Variants in ICA1 observed in about 807,000 individuals in gnomAD.
ICA1 encodes the protein islet cell autoantigen 1.
A neutral mutation model predicts 71.0 loss-of-function variants in ICA1; 40 were observed. The ratio of observed to expected loss-of-function variants is 0.56; its 90% CI spans 0.44 to 0.73. The LOEUF is 0.73. ICA1 is among the 30% of genes least tolerant of loss of function. The pLI is 0.00. For missense variants in ICA1, 578 were observed against 576.5 expected, an observed-to-expected ratio of 1.00 and a Z score of -0.03; for synonymous variants, 207 against 209.5, an observed-to-expected ratio of 0.99 and a Z score of 0.10.
chr7:8,152,910 A>G (rs1800047679), intron 8 of ICA1, among the ~76,000 whole-genome samples: 1 of 149,516 alleles, frequency 6.7e-6, no homozygotes, highest in Non-Finnish European at 1.5e-5. Context: ...TATCTCCTTC[A>G]TCACCACTAC....
rs1787897173 is a variant in ICA1, at chr7:8,123,656, C to G, written c.1330+4217G>C. 6.6e-6 allele frequency among the ~76,000 whole-genome samples: 1 copy of G among 152,234 alleles called. No homozygotes were observed. Among genetic ancestry groups the G allele is most frequent in the Non-Finnish European group, 1.5e-5 (1 of 68,042 alleles). ...GTGGACTTAGCCTCTGTCTCCCACA[C>G]CCATTCCTCCTTTATGGCTCCCTAA... is the stretch of plus-strand genomic sequence containing the variant. On this transcript the variant is annotated intron_variant, in intron 13 of 13. Transcript: ENST00000402384. The surrounding 1 kb of genome is among the most constrained non-coding windows in gnomAD (Gnocchi z 4.1).
rs1799744041 is a variant in ICA1, at chr7:8,229,925, G to T, written c.184-1252C>A. On this transcript the variant is annotated intron_variant, in intron 3 of 13. Transcript: ENST00000402384. ...CACATAGTATTTCCTGAATATAGGA[G>T]CAAGGACGTTCAAAAAGTATGTTTA... Among the ~76,000 whole-genome samples, 3 of 152,282 alleles carry T rather than the reference G, an allele frequency of 2.0e-5. No individual in the cohort carries two copies. In the South Asian group the frequency reaches 6.2e-4, roughly 32 times the overall value.
chr7:8,139,364 C>A (rs533991349), intron 10 of ICA1, among the ~76,000 whole-genome samples: 1 of 152,278 alleles, frequency 6.6e-6, no homozygotes, highest in South Asian at 2.1e-4. Context: ...TGAACTTTAG[C>A]CATATGGGCC....
chr7:8,217,106 A>G (rs1004395194), intron 6 of ICA1, among the ~76,000 whole-genome samples: 1 of 152,258 alleles, frequency 6.6e-6, no homozygotes, highest in African/African-American at 2.4e-5. Flanking sequence ...TTTCTCTTCT[A>G]TAAGATGAGC....
At position 8,219,463 on chromosome 7, in the gene ICA1, T is replaced by C. The variant is rs140069499; in HGVS notation, c.381-960A>G. ...CAACGTCTGCAATGCCTTACGTGCG[T>C]GTAGCACGGTAAGATTACAAATGGT... is the stretch of plus-strand genomic sequence containing the variant. On this transcript the variant is annotated intron_variant, in intron 5 of 13. Coordinates refer to ENST00000402384, the MANE Select transcript of ICA1 (RefSeq NM_001136020.3). Among the ~76,000 whole-genome samples, 1,016 of 152,366 alleles carry C rather than the reference T, an allele frequency of 6.7e-3. 15 individuals are homozygous for C. The highest frequency in any genetic ancestry group is 0.023 in the African/African-American group (941 of 41,580).
chr7:8,174,938 G>A (rs1001106098), intron 6 of ICA1, among the ~76,000 whole-genome samples: 2 of 152,052 alleles, frequency 1.3e-5, no homozygotes, highest in African/African-American at 4.8e-5. Flanking sequence ...TTTAAACCAA[G>A]GCCAGGGAGA....
chr7:8,223,429 T>C lies in ICA1; in HGVS notation c.257-2031A>G, dbSNP rs1716449157. ...TCATTTTAGGCACTTGTGGATCAAC[T>C]TGGGGCAGCAAACAGGTTTCATTTT... On this transcript the variant is annotated intron_variant, in intron 4 of 13. Coordinates refer to ENST00000402384, the MANE Select transcript of ICA1 (RefSeq NM_001136020.3). The surrounding 1 kb of genome is among the most constrained non-coding windows in gnomAD (Gnocchi z 4.1). 6.5e-6 allele frequency: 1 copy of C among 154,556 alleles called. No homozygotes were observed. The highest frequency in any genetic ancestry group is 2.4e-5 in the African/African-American group (1 of 41,512). 9.6% of individuals were successfully genotyped at this position (154,556 alleles called of 1,614,324 possible). A position where few individuals can be genotyped will look rare whatever the true frequency, so the allele number is the denominator to read the frequency against.
At chr7:8,195,665 C>T (rs992590457) in intron 6 of ICA1, among the ~76,000 whole-genome samples, 1 of 152,128 alleles carries the variant, frequency 6.6e-6, no homozygotes, top group Non-Finnish European at 1.5e-5. Flanking sequence ...AGCAACAGTG[C>T]TCCTTGGTGT....
At chr7:8,162,609 A>G (rs1023430616) in intron 6 of ICA1, among the ~76,000 whole-genome samples, 2 of 152,288 alleles carry the variant, frequency 1.3e-5, no homozygotes, top group South Asian at 2.1e-4. Context: ...TCAACCCTAG[A>G]TAAGTTATAT....
At chr7:8,148,316 C>T (rs754693836) in intron 8 of ICA1, among the ~76,000 whole-genome samples, 9 of 152,138 alleles carry the variant, frequency 5.9e-5, no homozygotes, top group South Asian at 2.1e-4. Context: ...GCTTCACCAA[C>T]GCTTATTCCT....
chr7:8,179,556 G>GT (rs35851953), intron 6 of ICA1, among the ~76,000 whole-genome samples: 3 of 152,174 alleles, frequency 2.0e-5, no homozygotes, highest in Non-Finnish European at 4.4e-5. Context: ...CTATCGAACG[G>GT]TTTTGCGGTG....
At chr7:8,124,115 T>A (rs1427450472) in intron 13 of ICA1, among the ~76,000 whole-genome samples, 3 of 131,060 alleles carry the variant, frequency 2.3e-5, no homozygotes, top group African/African-American at 1.0e-4. Flanking sequence ...CATACAATTT[T>A]TTTTTTTTTT....
chr7:8,121,394 C>T (rs540843580), intron 13 of ICA1, among the ~76,000 whole-genome samples: 2 of 152,278 alleles, frequency 1.3e-5, no homozygotes, highest in African/African-American at 4.8e-5. Flanking sequence ...GTTCCCATGA[C>T]AACCTAGAGC....
rs544100182 is a variant in ICA1 at position 8,204,716 on chromosome 7, T to C, written c.579+13589A>G. Among the ~76,000 whole-genome samples the C allele has an allele frequency of 3.3e-4, 51 of 152,374 alleles. No homozygotes were observed. In the South Asian group the frequency reaches 9.9e-3, roughly 30 times the overall value. ...CAAAAAATGAGCAGTCTTTTGACTTTTGCACAACTCATGTTTAACGTTCTT... is the reference window on the plus strand; with the variant it reads ...CAAAAAATGAGCAGTCTTTTGACTTCTGCACAACTCATGTTTAACGTTCTT... On this transcript the variant is annotated intron_variant, in intron 6 of 13. Coordinates refer to ENST00000402384, the MANE Select transcript of ICA1 (RefSeq NM_001136020.3).
At position 8,225,177 on chromosome 7, in the gene ICA1, A is replaced by C. The variant is rs147992644; in HGVS notation, c.256+3424T>G. ...TCTTCAGTGAATCTCACCTGTCACA[A>C]TTCTCACTGTGGTGTTTGCCTAATG... On this transcript the variant is annotated intron_variant, in intron 4 of 13. Transcript: ENST00000402384. Among the ~76,000 whole-genome samples, 66 of 152,294 alleles carry C rather than the reference A, an allele frequency of 4.3e-4. 1 individual carries two copies. The East Asian group carries it at 8.9e-3, about 20-fold the overall frequency.
At chr7:8,230,874 C>T (rs1205288288) in intron 3 of ICA1, among the ~76,000 whole-genome samples, 1 of 152,132 alleles carries the variant, frequency 6.6e-6, no homozygotes. Context: ...ATATTAATTG[C>T]ACTAACACAT....
chr7:8,163,061 G>C (rs190697154), intron 6 of ICA1, among the ~76,000 whole-genome samples: 52 of 152,346 alleles, frequency 3.4e-4, no homozygotes, highest in African/African-American at 1.2e-3. Flanking sequence ...ACTGCGCCTA[G>C]TCTAATGGCC....
intron 8 of ICA1, among the ~76,000 whole-genome samples, chr7:8,154,912 T>C (rs2128182905): frequency 6.6e-6 from 1 of 152,288 alleles, no homozygotes; most frequent in Non-Finnish European, 1.5e-5. Flanking sequence ...TTCCATTATA[T>C]CATATTTGAG....
chr7:8,123,745 T>A lies in ICA1; in HGVS notation c.1330+4128A>T, dbSNP rs1787933883. ...AGGGTGTCATTACAAGTCCTGCCCC[T>A]CTGACGGCTTCCTAAGAGAGGTCTG... On this transcript the variant is annotated intron_variant, in intron 13 of 13. Coordinates refer to ENST00000402384, the MANE Select transcript of ICA1 (RefSeq NM_001136020.3). This position sits in a 1 kb window ranked among gnomAD's most constrained non-coding sequence, Gnocchi z 4.1. 6.6e-6 allele frequency among the ~76,000 whole-genome samples: 1 copy of A among 152,196 alleles called. No individual in the cohort carries two copies. The highest frequency in any genetic ancestry group is 2.4e-5 in the African/African-American group (1 of 41,438).
Sources: allele counts gnomAD v4.1 joint callset (sites outside exome capture counted in the v4.1 genomes callset), GRCh38; gene constraint gnomAD v4.1.1; non-coding constraint Gnocchi (gnomAD v3.1); transcripts MANE v1.5; gene names NCBI Gene and HGNC (gene_info 2026-07-23, HGNC 2026-07-21).